Variants in RIMS1 observed in about 807,000 individuals in gnomAD.
RIMS1 encodes regulating synaptic membrane exocytosis 1, also known as regulating synaptic membrane exocytosis protein 1.
A neutral mutation model predicts 214.1 loss-of-function variants in RIMS1; 83 were observed. The ratio of observed to expected loss-of-function variants is 0.39; its 90% CI spans 0.32 to 0.47. The LOEUF is 0.47. RIMS1 is among the 20% of genes least tolerant of loss of function. RIMS1 has a pLI of 0.99. For synonymous variants in RIMS1, 793 were observed against 786.8 expected (o/e 1.01, Z -0.13); for missense variants, 2,050 against 2,161.8 (o/e 0.95, Z 1.03).
At chr6:72,296,865 C>T (rs2154262557) in intron 26 of RIMS1, among the ~76,000 whole-genome samples, 1 of 151,888 alleles carries the variant, frequency 6.6e-6, no homozygotes, top group Non-Finnish European at 1.5e-5. Flanking sequence ...TGACATTTGC[C>T]CAAACTGCTT....
chr6:71,940,778 C>G (rs1457799936), intron 1 of RIMS1, among the ~76,000 whole-genome samples: 1 of 152,090 alleles, frequency 6.6e-6, no homozygotes, highest in African/African-American at 2.4e-5. Flanking sequence ...TAGGTTTCCC[C>G]ATTCCACAGA....
intron 1 of RIMS1, among the ~76,000 whole-genome samples, chr6:71,946,001 G>A (rs1362934157): frequency 1.3e-5 from 2 of 151,726 alleles, no homozygotes; most frequent in African/African-American, 4.8e-5. Context: ...AATGAATTGA[G>A]TAGAGTTACC....
At chr6:71,956,161 T>A (rs2151192497) in intron 1 of RIMS1, among the ~76,000 whole-genome samples, 1 of 152,252 alleles carries the variant, frequency 6.6e-6, no homozygotes, top group South Asian at 2.1e-4. Context: ...TCCACTCTAC[T>A]GTTACTATGA....
intron 16 of RIMS1, among the ~76,000 whole-genome samples, chr6:72,255,778 C>T (rs938040744): frequency 6.6e-6 from 1 of 152,110 alleles, no homozygotes; most frequent in Admixed American, 6.6e-5. Flanking sequence ...TGGCTCACGC[C>T]TGTAATCCCA....
At chr6:72,037,239 C>CA (rs1380363859) in intron 2 of RIMS1, among the ~76,000 whole-genome samples, 1 of 151,678 alleles carries the variant, frequency 6.6e-6, no homozygotes. Flanking sequence ...GAGCAGGTGG[C>CA]ACTGGGAGAA....
intron 2 of RIMS1, among the ~76,000 whole-genome samples, chr6:72,010,521 G>A (rs1417075351): frequency 6.6e-6 from 1 of 152,170 alleles, no homozygotes; most frequent in Non-Finnish European, 1.5e-5. Context: ...ATTCAATTAG[G>A]AAAAGAGGAA....
chr6:71,979,131 G>A (rs1032472427), intron 2 of RIMS1, among the ~76,000 whole-genome samples: 3 of 152,004 alleles, frequency 2.0e-5, no homozygotes, highest in Admixed American at 6.6e-5. Context: ...AGAGAAGATG[G>A]TGCCCTCTTC....
At chr6:72,110,829 G>T (rs940014425) in intron 4 of RIMS1, among the ~76,000 whole-genome samples, 1 of 152,122 alleles carries the variant, frequency 6.6e-6, no homozygotes, top group Non-Finnish European at 1.5e-5. Context: ...GTATGATATT[G>T]GCTGTGGATT....
intron 1 of RIMS1, among the ~76,000 whole-genome samples, chr6:71,890,401 AGT>A (rs536390570): frequency 3.5e-3 from 126 of 36,100 alleles, no homozygotes; most frequent in African/African-American, 4.6e-3. Context: ...TTTGGATGTG[AGT>A]GTGTGTGTTC....
chr6:72,069,930 A>ATAAC (rs1218585263), intron 2 of RIMS1, among the ~76,000 whole-genome samples: 2 of 152,218 alleles, frequency 1.3e-5, no homozygotes, highest in East Asian at 3.8e-4. Flanking sequence ...AGTGCTCAGA[A>ATAAC]TAACTATATG....
intron 29 of RIMS1, among the ~76,000 whole-genome samples, chr6:72,335,084 T>G (rs151331220): frequency 1.2e-4 from 19 of 152,124 alleles, no homozygotes; most frequent in African/African-American, 4.6e-4. Context: ...AATTACACTT[T>G]AAGCTCTGGG....
chr6:72,092,043 T>C (rs1410144142), intron 2 of RIMS1, among the ~76,000 whole-genome samples: 1 of 152,190 alleles, frequency 6.6e-6, no homozygotes, highest in Non-Finnish European at 1.5e-5. Context: ...AAATGTGCTG[T>C]TTATGGTTTC....
Position 72,292,014 on chromosome 6 carries a change from A to G in RIMS1, c.3818A>G (p.Gln1273Arg), listed in dbSNP as rs772894178. 5 of 1,560,036 alleles carry G rather than the reference A, an allele frequency of 3.2e-6. No individual in the cohort carries two copies. The highest frequency in any genetic ancestry group is 1.2e-5 in the South Asian group (1 of 84,388). The change falls in exon 26 of 34, where the codon CAA becomes CGA. Residue 1273 changes from glutamine to arginine, a missense_variant. By Grantham distance (43) the Gln-to-Arg change is conservative (BLOSUM62 1). Around this residue, in one of 6 missense-constraint regions of RIMS1, gnomAD observed 889 missense variants for 885.5 expected, o/e 1.00. Coordinates refer to ENST00000521978, the MANE Select transcript of RIMS1 (RefSeq NM_014989.7). The stretch of plus-strand genomic sequence containing the variant: ...AGTCGCAGGGGAAGACAGCTCCCAC[A>G]AGTGCCAGTGAGAAGCGGCAGTATA... The part of the protein sequence containing the change: ...FSSRRGRQLP[Q>R]VPVRSGSIEQ...
chr6:72,110,707 C>T (rs1424514208), intron 4 of RIMS1, among the ~76,000 whole-genome samples: 1 of 151,782 alleles, frequency 6.6e-6, no homozygotes, highest in African/African-American at 2.4e-5. Flanking sequence ...CTTCTCCTGC[C>T]TAATAGCCCT....
At chr6:72,314,733 T>A (rs901462018) in intron 28 of RIMS1, among the ~76,000 whole-genome samples, 2 of 152,154 alleles carry the variant, frequency 1.3e-5, no homozygotes, top group Non-Finnish European at 2.9e-5. Context: ...GGGTAAGAAG[T>A]ATTCTTATAG....
chr6:72,368,006 G>A (rs1375059232), intron 29 of RIMS1, among the ~76,000 whole-genome samples: 4 of 152,040 alleles, frequency 2.6e-5, no homozygotes, highest in Non-Finnish European at 4.4e-5. Context: ...AGGTATAAAT[G>A]TACTTAGGAT....
intron 15 of RIMS1, among the ~76,000 whole-genome samples, 194 bp from the exon 16 acceptor site, chr6:72,252,567 G>GA (rs1218544120): frequency 6.6e-6 from 1 of 151,950 alleles, no homozygotes; most frequent in African/African-American, 2.4e-5. Context: ...GTGTAATGAG[G>GA]AAAAAAATAC....
chr6:72,270,905 G>A (rs76363467), intron 22 of RIMS1, among the ~76,000 whole-genome samples: 2 of 152,240 alleles, frequency 1.3e-5, no homozygotes, highest in Admixed American at 6.5e-5. Flanking sequence ...TGAGACTTAA[G>A]GGAAAGGAGG....
intron 4 of RIMS1, among the ~76,000 whole-genome samples, chr6:72,166,980 G>GTA (rs2046358503): frequency 6.6e-6 from 1 of 151,856 alleles, no homozygotes; most frequent in African/African-American, 2.4e-5. Context: ...GGTTTAAAAA[G>GTA]TATATATATT....
Sources: gnomAD v4.1 joint callset for allele counts (sites outside exome capture counted in the v4.1 genomes callset) on GRCh38, gnomAD v4.1.1 for gene constraint, gnomAD v4.1.1 regional missense constraint, MANE v1.5 for transcripts, NCBI Gene and HGNC (gene_info 2026-07-23, HGNC 2026-07-21) for gene names.